JAK2: variants seen among roughly 807,000 people sequenced by gnomAD.
JAK2 encodes Janus kinase 2.
In JAK2, 86 loss-of-function variants were observed where a neutral mutation model predicts 139.3. The observed-to-expected ratio is 0.62, with a 90% CI of 0.52 to 0.74. The LOEUF is 0.74. Ranked by LOEUF, JAK2 falls within the 30% of genes least tolerant of loss-of-function variation. The pLI is 0.00. For missense variants in JAK2, 1,421 were observed against 1,360.3 expected (o/e 1.04, Z -0.70); for synonymous variants, 490 against 437.7 (o/e 1.12, Z -1.49).
At chr9:5,007,206 T>G (rs543764634) in intron 2 of JAK2, among the ~76,000 whole-genome samples, 1 of 152,276 alleles carries the variant, frequency 6.6e-6, no homozygotes, top group African/African-American at 2.4e-5. Context: ...TTAATAACAT[T>G]GTTCAGCCTT....
At chr9:5,100,327 T>G (rs1281959829) in intron 22 of JAK2, 2 of 152,182 alleles carry the variant, frequency 1.3e-5, no homozygotes, top group African/African-American at 4.8e-5. Context: ...ACATCTGGCC[T>G]GGCCATGTGA....
intron 2 of JAK2, 73 bp downstream of exon 2, chr9:4,986,095 G>GT (rs1392150441): frequency 6.6e-6 from 1 of 152,570 alleles, no homozygotes; most frequent in Non-Finnish European, 1.5e-5. Flanking sequence ...CGTAGGGAAG[G>GT]TTGGAAGCGT....
chr9:5,125,750 A>ATT (rs1823947745), intron 23 of JAK2, among the ~76,000 whole-genome samples: 1 of 68,858 alleles, frequency 1.5e-5, no homozygotes, highest in African/African-American at 1.0e-4. Flanking sequence ...GGTTGACTAT[A>ATT]TATTTGTTGG....
At chr9:5,018,519 C>T (rs1339939028) in intron 2 of JAK2, among the ~76,000 whole-genome samples, 1 of 151,934 alleles carries the variant, frequency 6.6e-6, no homozygotes, top group Non-Finnish European at 1.5e-5. Context: ...TTGTATTTTT[C>T]GTAGACATGG....
chr9:5,122,571 A>C (rs1009702930), intron 22 of JAK2, among the ~76,000 whole-genome samples: 5 of 152,108 alleles, frequency 3.3e-5, no homozygotes, highest in African/African-American at 7.2e-5. Context: ...TTTCTATGTC[A>C]GAGATTCCCA....
At chr9:5,012,752 A>G (rs1308831163) in intron 2 of JAK2, among the ~76,000 whole-genome samples, 1 of 152,206 alleles carries the variant, frequency 6.6e-6, no homozygotes, top group Non-Finnish European at 1.5e-5. Context: ...ATTGAAGCCT[A>G]TAATTTAGTA....
At chr9:4,995,773 TTA>T (rs1322598172) in intron 2 of JAK2, among the ~76,000 whole-genome samples, 1 of 152,252 alleles carries the variant, frequency 6.6e-6, no homozygotes, top group East Asian at 1.9e-4. Flanking sequence ...ATTATTCATT[TTA>T]GTTATTCTAT....
At chr9:5,092,347 C>A (rs1190223373) in intron 22 of JAK2, among the ~76,000 whole-genome samples, 2 of 152,104 alleles carry the variant, frequency 1.3e-5, no homozygotes, top group African/African-American at 4.8e-5. Context: ...ATTCTCTATA[C>A]ATGAATAGAG....
intron 22 of JAK2, chr9:5,113,999 G>T: frequency 3.6e-6 from 1 of 275,916 alleles, no homozygotes; most frequent in East Asian, 1.0e-4. Context: ...AGGATGGGCA[G>T]GTCGTGGATG....
chr9:5,098,602 GAAGTT>G (rs1163955132), intron 22 of JAK2: 1 of 152,106 alleles, frequency 6.6e-6, no homozygotes, highest in Non-Finnish European at 1.5e-5. Flanking sequence ...TAAAACAGAT[GAAGTT>G]AATAATCCTT....
intron 3 of JAK2, among the ~76,000 whole-genome samples, chr9:5,029,403 T>TA (rs1380954818): frequency 1.3e-5 from 2 of 152,064 alleles, no homozygotes; most frequent in South Asian, 4.1e-4. Flanking sequence ...GATATAATAA[T>TA]AAAAAAGTTT....
chr9:5,025,603 G>A (rs1447102724), intron 3 of JAK2, among the ~76,000 whole-genome samples: 1 of 147,628 alleles, frequency 6.8e-6, no homozygotes, highest in African/African-American at 2.5e-5. Flanking sequence ...GCATGATTAT[G>A]GCACACTGCC....
chr9:5,092,694 C>T (rs147409673), intron 22 of JAK2, among the ~76,000 whole-genome samples: 35 of 152,242 alleles, frequency 2.3e-4, no homozygotes, highest in African/African-American at 8.2e-4. Flanking sequence ...CCAAGTCCCC[C>T]GAAACCAAAT....
intron 8 of JAK2, among the ~76,000 whole-genome samples, chr9:5,060,374 A>C (rs910370154): frequency 6.6e-6 from 1 of 152,142 alleles, no homozygotes; most frequent in Admixed American, 6.5e-5. Flanking sequence ...GTTTGGTAAC[A>C]TTTTACCCAC....
intron 22 of JAK2, among the ~76,000 whole-genome samples, chr9:5,102,753 A>T (rs954792280): frequency 1.3e-5 from 2 of 152,186 alleles, no homozygotes; most frequent in African/African-American, 4.8e-5. Flanking sequence ...ATTCTTAGAG[A>T]AAAAGACTTT....
intron 9 of JAK2, 62 bp from the exon 10 acceptor site, chr9:5,066,616 C>A: frequency 2.2e-6 from 2 of 894,850 alleles, no homozygotes; most frequent in African/African-American, 1.6e-5. Context: ...TTTTAGATGA[C>A]ACTTGGTCAT....
intron 22 of JAK2, chr9:5,112,646 A>G (rs558444030): frequency 2.5e-5 from 25 of 1,004,672 alleles, no homozygotes; most frequent in Non-Finnish European, 3.1e-5. Context: ...GAAGCCCCAG[A>G]CCAAACTCCT....
intron 22 of JAK2, chr9:5,111,637 C>T: frequency 2.6e-6 from 1 of 379,092 alleles, no homozygotes; most frequent in Non-Finnish European, 5.1e-6. Context: ...TGGGCGGGGG[C>T]TCATGCCCCT....
chr9:5,028,305 T>C lies in JAK2; in HGVS notation c.227-1478T>C, dbSNP rs145145606. Among the ~76,000 whole-genome samples, 141 of 152,314 alleles carry C rather than the reference T, an allele frequency of 9.3e-4. 1 individual carries two copies. The highest frequency in any genetic ancestry group is 1.8e-3 in the Non-Finnish European group (122 of 68,020). On this transcript the variant is annotated intron_variant, in intron 3 of 24. Transcript: ENST00000381652. ...GTAATAATACTTGGACAGGAATCTT[T>C]TTTTCTGAGCTTTAGGTCTCAACGG...
Sources: allele counts gnomAD v4.1 joint callset (sites outside exome capture counted in the v4.1 genomes callset), GRCh38; gene constraint gnomAD v4.1.1; transcripts MANE v1.5; gene names NCBI Gene and HGNC (gene_info 2026-07-23, HGNC 2026-07-21).